The following PLEKHA5 variants were observed in gnomAD, a reference collection of about 807,000 sequenced individuals.
PLEKHA5 encodes pleckstrin homology domain containing A5.
PLEKHA5 carries 55 observed loss-of-function variants against 181.9 expected under a neutral mutation model. The ratio of observed to expected loss-of-function variants is 0.30; its 90% CI spans 0.24 to 0.38. The LOEUF (loss-of-function observed/expected upper bound fraction) is 0.38. Ranked by LOEUF, PLEKHA5 falls within the 10% of genes least tolerant of loss-of-function variation. The pLI is 1.00. For missense variants in PLEKHA5, 1,432 were observed against 1,549.5 expected (o/e 0.92, Z 1.27); for synonymous variants, 535 against 529.4 (o/e 1.01, Z -0.15).
At chr12:19,178,094 A>G (rs576282933) in intron 3 of PLEKHA5, among the ~76,000 whole-genome samples, 2 of 152,220 alleles carry the variant, frequency 1.3e-5, no homozygotes, top group South Asian at 4.2e-4. Context: ...TTCTGGAACC[A>G]TTGAGCACTC....
intron 28 of PLEKHA5, among the ~76,000 whole-genome samples, chr12:19,360,176 A>T (rs952816181): frequency 3.3e-5 from 5 of 151,980 alleles, no homozygotes; most frequent in African/African-American, 1.2e-4. Flanking sequence ...TACTGAATAC[A>T]AAAATTAGCC....
At chr12:19,293,263 T>C (rs2152858855) in intron 15 of PLEKHA5, among the ~76,000 whole-genome samples, 1 of 152,338 alleles carries the variant, frequency 6.6e-6, no homozygotes, top group East Asian at 1.9e-4. Flanking sequence ...GATAACCCTT[T>C]GAAAGGTGTT....
chr12:19,272,660 C>G (rs1397579068), intron 10 of PLEKHA5, among the ~76,000 whole-genome samples: 1 of 151,950 alleles, frequency 6.6e-6, no homozygotes, highest in Admixed American at 6.6e-5. Context: ...TCACTTGAGC[C>G]CAGAAAGTTG....
At chr12:19,345,326 G>A (rs2094245502) in intron 22 of PLEKHA5, among the ~76,000 whole-genome samples, 1 of 151,492 alleles carries the variant, frequency 6.6e-6, no homozygotes, top group Non-Finnish European at 1.5e-5. Context: ...CTTGAACCTG[G>A]GACGCAGAGG....
intron 15 of PLEKHA5, among the ~76,000 whole-genome samples, chr12:19,307,722 A>G (rs184485161): frequency 7.2e-5 from 11 of 152,244 alleles, no homozygotes; most frequent in Admixed American, 4.6e-4. Flanking sequence ...CAGAAGGTCA[A>G]GGAGCACATC....
At chr12:19,355,040 A>T (rs2094849866) in intron 26 of PLEKHA5, among the ~76,000 whole-genome samples, 1 of 152,168 alleles carries the variant, frequency 6.6e-6, no homozygotes, top group South Asian at 2.1e-4. Flanking sequence ...TAGCTATGGT[A>T]TTAATAGCTT....
At chr12:19,304,108 C>T (rs1289934750) in intron 15 of PLEKHA5, among the ~76,000 whole-genome samples, 2 of 151,820 alleles carry the variant, frequency 1.3e-5, no homozygotes, top group East Asian at 2.0e-4. Context: ...CGCGCATGGC[C>T]GAGACCCCAT....
chr12:19,334,819 A>AG (rs1491379744), intron 20 of PLEKHA5, among the ~76,000 whole-genome samples: 3 of 3,942 alleles, frequency 7.6e-4, no homozygotes, highest in African/African-American at 1.2e-3. Flanking sequence ...CTGTCTTCAC[A>AG]AAAAAAAAAA....
intron 8 of PLEKHA5, among the ~76,000 whole-genome samples, chr12:19,266,613 G>T (rs1027908677): frequency 2.0e-5 from 3 of 151,866 alleles, no homozygotes; most frequent in Non-Finnish European, 4.4e-5. Context: ...GTAAAACCCC[G>T]ACTCTACTAA....
chr12:19,343,389 G>A lies in PLEKHA5; in HGVS notation c.2617G>A (p.Glu873Lys), dbSNP rs2094084610. ...ACTTTGGCGAATTCAGGATGTCATGGAAGGGCTGAGTAAACATAAGCAGCA... is the reference window on the plus strand; with the variant it reads ...ACTTTGGCGAATTCAGGATGTCATGAAAGGGCTGAGTAAACATAAGCAGCA... The part of the protein sequence containing the change: ...KELWRIQDVM[E>K]GLSKHKQQRG... Residue 873 changes from glutamate (E) to lysine (K), a missense_variant, in exon 22 of 32, where the codon GAA becomes AAA. Transcript: ENST00000429027. 6.2e-7 allele frequency: 1 copy of A among 1,613,248 alleles called. No homozygotes were observed. Among genetic ancestry groups the A allele is most frequent in the South Asian group, 1.1e-5 (1 of 91,052 alleles).
Position 19,283,667 on chromosome 12 carries a change from T to G in PLEKHA5, c.1701T>G (p.Thr567=), listed in dbSNP as rs548683433. ...ATCAGGGATACTCCCCTCAACGAAC[T>G]TACAGATCGGAAGTGTCTTCACCAA... ...AAYQGYSPQR[T]YRSEVSSPIQ... is the part of the protein sequence containing the mutation. The change falls in exon 12 of 32, where the codon ACT becomes ACG. Residue 567 remains threonine, a synonymous_variant. Transcript: ENST00000429027. 6.2e-7 allele frequency: 1 copy of G among 1,614,092 alleles called. No homozygotes were observed. Among genetic ancestry groups the G allele is most frequent in the African/African-American group, 1.3e-5 (1 of 75,034 alleles).
chr12:19,319,008 G>A (rs1176032583), intron 16 of PLEKHA5, among the ~76,000 whole-genome samples: 1 of 152,080 alleles, frequency 6.6e-6, no homozygotes, highest in Non-Finnish European at 1.5e-5. Flanking sequence ...TATGAAAATG[G>A]AATTTTGGCA....
intron 3 of PLEKHA5, among the ~76,000 whole-genome samples, chr12:19,143,060 C>T (rs1352080780): frequency 2.0e-5 from 3 of 152,084 alleles, no homozygotes; most frequent in Non-Finnish European, 4.4e-5. Flanking sequence ...CTTATTTTGG[C>T]TATTGTCAGT....
At chr12:19,323,353 TCTCTACTAAAAATACAAAATTAGCCA>T (rs2091365057) in intron 20 of PLEKHA5, among the ~76,000 whole-genome samples, 1 of 151,936 alleles carries the variant, frequency 6.6e-6, no homozygotes, top group African/African-American at 2.4e-5. Flanking sequence ...TGAAAACCCA[TCTCTACTAAAAATACAAAATTAGCCA>T]GGTGTGGTGG....
chr12:19,145,328 A>G (rs1299714172), intron 3 of PLEKHA5, among the ~76,000 whole-genome samples: 1 of 152,120 alleles, frequency 6.6e-6, no homozygotes, highest in Non-Finnish European at 1.5e-5. Flanking sequence ...CTGCCTTCCA[A>G]GAGGACTTGT....
rs115234262 is a variant in PLEKHA5 at position 19,195,840 on chromosome 12, C to G, written c.228-58100C>G. Among the ~76,000 whole-genome samples, 772 of 152,134 alleles carry G rather than the reference C, an allele frequency of 5.1e-3. 5 individuals are homozygous for G. The highest frequency in any genetic ancestry group is 0.018 in the African/African-American group (737 of 41,504). On this transcript the variant is annotated intron_variant, in intron 3 of 31. Coordinates refer to ENST00000429027, the MANE Select transcript of PLEKHA5 (RefSeq NM_001256470.2). ...TAGATATCTTCCATGGCAGTGCACA[C>G]ACTTCTACCTATTATTTTTGACAGC...
intron 29 of PLEKHA5, among the ~76,000 whole-genome samples, chr12:19,364,224 G>C (rs1840901055): frequency 6.6e-6 from 1 of 151,946 alleles, no homozygotes; most frequent in East Asian, 1.9e-4. Context: ...TCATTGTTTT[G>C]TGGCAGGGTG....
intron 1 of PLEKHA5, 27 bp downstream of exon 1, chr12:19,129,915 C>A: frequency 6.3e-7 from 1 of 1,579,010 alleles, no homozygotes. Flanking sequence ...GGCACGGGGG[C>A]CCGCGGGGGC....
chr12:19,213,402 A>G (rs727533), intron 3 of PLEKHA5, among the ~76,000 whole-genome samples: 14,498 of 152,176 alleles, frequency 0.095, 970 homozygotes, highest in African/African-American at 0.19. Flanking sequence ...TTCAAGGAAC[A>G]GGTCCTTCAG....
Sources: gnomAD v4.1 joint callset for allele counts (sites outside exome capture counted in the v4.1 genomes callset) on GRCh38, gnomAD v4.1.1 for gene constraint, MANE v1.5 for transcripts, NCBI Gene and HGNC (gene_info 2026-07-23, HGNC 2026-07-21) for gene names.